TECPR2: variants seen among roughly 807,000 people sequenced by gnomAD.
TECPR2 encodes the protein tectonin beta-propeller repeat containing 2, also known as tectonin beta-propeller repeat-containing protein 2.
In TECPR2, 65 loss-of-function variants were observed where a neutral mutation model predicts 138.1. That is an observed-to-expected ratio of 0.47 (90% CI 0.39 to 0.58). The LOEUF (loss-of-function observed/expected upper bound fraction) is 0.58. Ranked by LOEUF, TECPR2 falls within the 20% of genes least tolerant of loss-of-function variation. TECPR2 has a pLI of 0.00. For synonymous variants in TECPR2, 746 were observed against 749.8 expected (o/e 0.99, Z 0.08); for missense variants, 1,553 against 1,824.5 (o/e 0.85, Z 2.71).
intron 1 of TECPR2, among the ~76,000 whole-genome samples, chr14:102,373,019 G>A (rs911728408): frequency 1.3e-5 from 2 of 152,162 alleles, no homozygotes; most frequent in African/African-American, 4.8e-5. Context: ...GTGTGTATGA[G>A]TATGTATGTA....
chr14:102,447,526 G>A (rs1015837622), intron 13 of TECPR2, among the ~76,000 whole-genome samples: 9 of 152,206 alleles, frequency 5.9e-5, no homozygotes, highest in East Asian at 1.9e-4. Context: ...GTCGATGGTC[G>A]TGAAATATTT....
chr14:102,408,372 T>G, intron 3 of TECPR2, 116 bp from the exon 4 acceptor site: 1 of 1,208,056 alleles, frequency 8.3e-7, no homozygotes. Flanking sequence ...GAAAACGAGA[T>G]TGGGAAAACC....
At chr14:102,401,071 T>C (rs1439634767) in intron 2 of TECPR2, among the ~76,000 whole-genome samples, 5 of 151,840 alleles carry the variant, frequency 3.3e-5, no homozygotes, top group Non-Finnish European at 7.4e-5. Flanking sequence ...AGTCCCTGTT[T>C]ATTGGTTAAT....
chr14:102,424,933 A>G lies in TECPR2; in HGVS notation c.639-46A>G, dbSNP rs745417679. 7 of 1,537,788 alleles carry G rather than the reference A, an allele frequency of 4.6e-6. No homozygotes were observed. In the East Asian group the frequency reaches 1.6e-4, roughly 35 times the overall value. ...GTTGACAACTGCATTACTTTAAATC[A>G]GTCCATGTCTGTTTTTTGTTCTTTC... is the stretch of plus-strand genomic sequence containing the variant. On this transcript the variant is annotated intron_variant, in intron 5 of 19. Coordinates refer to ENST00000359520, the MANE Select transcript of TECPR2 (RefSeq NM_014844.5).
chr14:102,416,822 A>G (rs962407656), intron 5 of TECPR2, among the ~76,000 whole-genome samples: 6 of 152,140 alleles, frequency 3.9e-5, no homozygotes, highest in Non-Finnish European at 7.4e-5. Context: ...CCTCTCTACT[A>G]AAAACACAAA....
intron 2 of TECPR2, 32 bp downstream of exon 2, chr14:102,376,972 GC>G: frequency 6.3e-7 from 1 of 1,587,772 alleles, no homozygotes; most frequent in Non-Finnish European, 8.6e-7. Flanking sequence ...ACCTGAGGGG[GC>G]ACGAGCCATA....
At chr14:102,364,267 C>T (rs1486755146) in intron 1 of TECPR2, among the ~76,000 whole-genome samples, 3 of 152,210 alleles carry the variant, frequency 2.0e-5, no homozygotes, top group Non-Finnish European at 4.4e-5. Flanking sequence ...TTTTAGGCTG[C>T]AGGACTTTGT....
At chr14:102,477,284 T>C (rs934304115) in intron 17 of TECPR2, among the ~76,000 whole-genome samples, 1 of 151,486 alleles carries the variant, frequency 6.6e-6, no homozygotes, top group Admixed American at 6.6e-5. Context: ...GCAGGAGAAT[T>C]GCTTGAACCT....
intron 16 of TECPR2, among the ~76,000 whole-genome samples, chr14:102,463,416 C>CAAAAAAA (rs550694466): frequency 2.6e-5 from 1 of 38,514 alleles, no homozygotes; most frequent in Non-Finnish European, 5.6e-5. Context: ...GACTCCGTCT[C>CAAAAAAA]AAAAAAAAAA....
intron 2 of TECPR2, among the ~76,000 whole-genome samples, chr14:102,384,539 T>A (rs982320548): frequency 1.3e-5 from 2 of 151,628 alleles, no homozygotes; most frequent in Non-Finnish European, 2.9e-5. Flanking sequence ...TAGCCAGGCA[T>A]GGTGGCCCAT....
intron 2 of TECPR2, among the ~76,000 whole-genome samples, chr14:102,399,383 C>A (rs1393329595): frequency 6.6e-6 from 1 of 152,138 alleles, no homozygotes; most frequent in Non-Finnish European, 1.5e-5. Flanking sequence ...GCAAAACTGT[C>A]CTTCAGAAAT....
intron 7 of TECPR2, 41 bp downstream of exon 7, chr14:102,428,423 A>G (rs1416094418): frequency 6.2e-7 from 1 of 1,603,098 alleles, no homozygotes; most frequent in Admixed American, 1.8e-5. Flanking sequence ...TATGATGGGA[A>G]GTACTATACT....
At chr14:102,401,698 A>G (rs1254151121) in intron 2 of TECPR2, among the ~76,000 whole-genome samples, 1 of 148,422 alleles carries the variant, frequency 6.7e-6, no homozygotes, top group Non-Finnish European at 1.5e-5. Context: ...CCAGCTACTC[A>G]GGAGGCTGAG....
chr14:102,363,560 A>T (rs979530704), intron 1 of TECPR2, among the ~76,000 whole-genome samples: 1 of 152,232 alleles, frequency 6.6e-6, no homozygotes, highest in Non-Finnish European at 1.5e-5. Context: ...CTTGACACTC[A>T]TCCAGTTGGT....
Position 102,443,609 on chromosome 14 carries a change from C to T in TECPR2, c.2753-38C>T. On this transcript the variant is annotated intron_variant, in intron 11 of 19. Coordinates refer to ENST00000359520, the MANE Select transcript of TECPR2 (RefSeq NM_014844.5). The surrounding 1 kb of genome is among the most constrained non-coding windows in gnomAD (Gnocchi z 4.9). ...GTCAAAATGAGGTGTGGAGTTCTGA[C>T]TGTGTGTCTTTGGGGCTTCTTCCCA... is the stretch of plus-strand genomic sequence containing the variant. The T allele has an allele frequency of 6.7e-7, 1 of 1,489,064 alleles. No individual in the cohort carries two copies. The highest frequency in any genetic ancestry group is 1.4e-5 in the South Asian group (1 of 72,260). 92.2% of individuals were successfully genotyped at this position (1,489,064 alleles called of 1,614,324 possible).
chr14:102,377,118 G>A (rs1419994154), intron 2 of TECPR2, among the ~76,000 whole-genome samples, 178 bp downstream of exon 2: 1 of 152,090 alleles, frequency 6.6e-6, no homozygotes, highest in Non-Finnish European at 1.5e-5. Context: ...AAAAACATTG[G>A]TGTTTTTAAC....
At chr14:102,449,355 G>A (rs1005512210) in intron 13 of TECPR2, among the ~76,000 whole-genome samples, 2 of 152,248 alleles carry the variant, frequency 1.3e-5, no homozygotes, top group Non-Finnish European at 2.9e-5. Flanking sequence ...ACAGATCCAT[G>A]TTGTATAAAA....
At chr14:102,435,649 A>G (rs1175855068) in intron 9 of TECPR2, among the ~76,000 whole-genome samples, 4 of 152,154 alleles carry the variant, frequency 2.6e-5, no homozygotes, top group Non-Finnish European at 4.4e-5. Context: ...CACCCCTCCA[A>G]GGAACCATCT....
At chr14:102,424,720 G>A (rs968839645) in intron 5 of TECPR2, among the ~76,000 whole-genome samples, 14 of 152,236 alleles carry the variant, frequency 9.2e-5, no homozygotes, top group African/African-American at 3.4e-4. Context: ...GCCAGGCACA[G>A]TGCAGGCTGT....
Sources: gnomAD v4.1 joint callset for allele counts (sites outside exome capture counted in the v4.1 genomes callset) on GRCh38, gnomAD v4.1.1 for gene constraint, Gnocchi (gnomAD v3.1) non-coding constraint, MANE v1.5 for transcripts, NCBI Gene and HGNC (gene_info 2026-07-23, HGNC 2026-07-21) for gene names.